Variants in FAM131C observed in about 807,000 individuals in gnomAD.
FAM131C encodes the protein protein FAM131C.
A neutral mutation model predicts 29.8 loss-of-function variants in FAM131C; 14 were observed. The observed-to-expected ratio is 0.47, with a 90% CI of 0.31 to 0.73. The LOEUF is 0.73. Ranked by LOEUF, FAM131C falls within the 30% of genes least tolerant of loss-of-function variation. FAM131C has a pLI of 0.05. For missense variants in FAM131C, 252 were observed against 383.8 expected (o/e 0.66, Z 2.87); for synonymous variants, 86 against 157.8 (o/e 0.54, Z 3.41).
chr1:16,068,658 A>G (rs1448860441), intron 1 of FAM131C, among the ~76,000 whole-genome samples: 1 of 152,118 alleles, frequency 6.6e-6, no homozygotes, highest in Non-Finnish European at 1.5e-5. Flanking sequence ...AGCCGTGACA[A>G]TAGCTCATCT....
intron 1 of FAM131C, among the ~76,000 whole-genome samples, chr1:16,070,665 G>A (rs772954586): frequency 6.6e-6 from 1 of 152,188 alleles, no homozygotes; most frequent in Non-Finnish European, 1.5e-5. Context: ...AAGTAAAAAT[G>A]AGAGCAATAG....
chr1:16,058,498 C>A lies in FAM131C; in HGVS notation c.782G>T (p.Gly261Val). Reference protein sequence around the residue: ...QGPEGGTHPPGSLPSMDSGSL... With the variant: ...QGPEGGTHPPVSLPSMDSGSL... ...GCCGCTGTCCATGGAGGGGAGGGAG[C>A]CCGGGGGGTGGGTCCCACCCTCGGG... Residue 261 changes from glycine to valine, a missense_variant, in exon 7 of 7, where the codon GGC (glycine) becomes GTC (valine). Physicochemically the swap from Gly to Val is moderately radical, Grantham distance 109. This residue lies in a region of FAM131C where 42 missense variants were observed against 51.7 expected (regional missense o/e 0.81). Coordinates refer to ENST00000375662, the MANE Select transcript of FAM131C (RefSeq NM_182623.3). 6.6e-7 allele frequency: 1 copy of A among 1,508,280 alleles called. No individual in the cohort carries two copies. The highest frequency in any genetic ancestry group is 8.8e-7 in the Non-Finnish European group (1 of 1,130,056). 93.4% of individuals were successfully genotyped at this position (1,508,280 alleles called of 1,614,324 possible).
chr1:16,067,583 G>A (rs1177606177), intron 1 of FAM131C, among the ~76,000 whole-genome samples: 3 of 152,126 alleles, frequency 2.0e-5, no homozygotes, highest in Non-Finnish European at 4.4e-5. Flanking sequence ...ATTCTTCAAG[G>A]AGAGGGTGTC....
At position 16,058,501 on chromosome 1, in the gene FAM131C, G is replaced by C. The variant is rs61745016; in HGVS notation, c.779C>G (p.Pro260Arg). 7 of 1,508,828 alleles carry C rather than the reference G, an allele frequency of 4.6e-6. No individual in the cohort carries two copies. Among genetic ancestry groups the C allele is most frequent in the East Asian group, 2.5e-5 (1 of 40,796 alleles). 93.5% of individuals were successfully genotyped at this position (1,508,828 alleles called of 1,614,324 possible). A position where few individuals can be genotyped will look rare whatever the true frequency, so the allele number is the denominator to read the frequency against. ...GCTGTCCATGGAGGGGAGGGAGCCCGGGGGGTGGGTCCCACCCTCGGGTCC... is the reference window on the plus strand; with the variant it reads ...GCTGTCCATGGAGGGGAGGGAGCCCCGGGGGTGGGTCCCACCCTCGGGTCC... ...AQGPEGGTHP[P>R]GSLPSMDSGS... The change falls in exon 7 of 7, where the codon CCG becomes CGG. Residue 260 changes from proline (P) to arginine (R), a missense_variant. Transcript: ENST00000375662.
chr1:16,073,602 C>T lies in FAM131C; in HGVS notation c.-160G>A, dbSNP rs2023783158. The T allele has an allele frequency of 4.3e-6, 1 of 234,570 alleles. No individual in the cohort carries two copies. The highest frequency in any genetic ancestry group is 1.7e-4 in the South Asian group (1 of 6,054). 14.5% of individuals were successfully genotyped at this position (234,570 alleles called of 1,614,324 possible). ...GGCCTCAGCTCCAGCCTGGGTCGTC[C>T]CTGCTGCCGCCGCGCCCGGCTCGCC... On this transcript the variant is annotated 5_prime_UTR_variant, in exon 1 of 7. Coordinates refer to ENST00000375662, the MANE Select transcript of FAM131C (RefSeq NM_182623.3).
At chr1:16,070,196 G>A (rs977923053) in intron 1 of FAM131C, among the ~76,000 whole-genome samples, 3 of 152,204 alleles carry the variant, frequency 2.0e-5, no homozygotes, top group Non-Finnish European at 4.4e-5. Context: ...CGTTCTCTGA[G>A]CCCCACATCC....
intron 1 of FAM131C, among the ~76,000 whole-genome samples, chr1:16,072,425 G>A (rs2124138172): frequency 6.6e-6 from 1 of 152,292 alleles, no homozygotes; most frequent in Non-Finnish European, 1.5e-5. Flanking sequence ...GGTGATGGGT[G>A]TGGTGGTGGT....
In FAM131C at chr1:16,065,559, C is replaced by T. The variant is rs1182414943; in HGVS notation, c.23-1923G>A. ...GCCCTGCATGGCTTCTAAGAGGCAC[C>T]ACCTGTGGCTCTTTCTACAGGGGCT... On this transcript the variant is annotated intron_variant, in intron 1 of 6. Transcript: ENST00000375662. 2.0e-5 allele frequency among the ~76,000 whole-genome samples: 3 copies of T among 152,248 alleles called. No individual in the cohort carries two copies. The East Asian group carries it at 5.8e-4, about 29-fold the overall frequency.
chr1:16,058,825 G>A, intron 6 of FAM131C, 108 bp from the exon 7 acceptor site: 1 of 1,098,220 alleles, frequency 9.1e-7, no homozygotes, highest in Non-Finnish European at 1.3e-6. Flanking sequence ...TCCAAATCCA[G>A]CTATGTGACG....
chr1:16,072,754 T>C (rs1277898174), intron 1 of FAM131C, among the ~76,000 whole-genome samples: 2 of 151,692 alleles, frequency 1.3e-5, no homozygotes, highest in African/African-American at 4.8e-5. Flanking sequence ...TCCACCTCCT[T>C]GGGTACCACG....
rs558801825 is a variant in FAM131C at position 16,058,566 on chromosome 1, G to A, written c.714C>T (p.Ser238=). The A allele has an allele frequency of 5.1e-5, 78 of 1,540,406 alleles. No individual in the cohort carries two copies. The South Asian group carries it at 9.3e-4, about 18-fold the overall frequency. ...PSTAGIPQPP[S]PELQHRRRLP... ...GCCGCCGCCGATGCTGCAGCTCTGG[G>A]CTGGGGGGCTGCGGGATGCCAGCGG... The change falls in exon 7 of 7, where the codon AGC becomes AGT. Residue 238 remains serine (S), a synonymous_variant. Coordinates refer to ENST00000375662, the MANE Select transcript of FAM131C (RefSeq NM_182623.3).
chr1:16,061,554 G>A (rs541799753), intron 4 of FAM131C, among the ~76,000 whole-genome samples: 3 of 152,128 alleles, frequency 2.0e-5, no homozygotes, highest in Non-Finnish European at 4.4e-5. Context: ...GGCAGCCAGT[G>A]AGTCAGCAAT....
At chr1:16,061,260 T>A (rs1366435355) in intron 4 of FAM131C, among the ~76,000 whole-genome samples, 1 of 145,386 alleles carries the variant, frequency 6.9e-6, no homozygotes, top group Non-Finnish European at 1.5e-5. Context: ...GGGGTTCAAG[T>A]GGCCCTTGAA....
rs534417502 is a variant in FAM131C at position 16,061,061 on chromosome 1, G to A, written c.269-1010C>T. On this transcript the variant is annotated intron_variant, in intron 4 of 6. Transcript: ENST00000375662. ...TAACCAAGGCTGAGAATAGATCTGG[G>A]AGTCACCCGGGTCCCCGAAGCCATA... 2.7e-3 allele frequency among the ~76,000 whole-genome samples: 411 copies of A among 152,254 alleles called. 2 individuals are homozygous for A. The highest frequency in any genetic ancestry group is 5.2e-3 in the Non-Finnish European group (351 of 68,010).
intron 5 of FAM131C, 113 bp downstream of exon 5, chr1:16,059,756 C>G (rs1309038448): frequency 2.2e-6 from 2 of 890,328 alleles, no homozygotes; most frequent in Non-Finnish European, 3.1e-6. Context: ...TAATACTCAC[C>G]CACCCTATGC....
At chr1:16,069,653 C>A (rs1371570624) in intron 1 of FAM131C, among the ~76,000 whole-genome samples, 1 of 152,180 alleles carries the variant, frequency 6.6e-6, no homozygotes, top group Admixed American at 6.5e-5. Context: ...AGAAGGGGGG[C>A]AAATATTCCT....
At chr1:16,062,221 G>A in intron 3 of FAM131C, 29 bp from the exon 4 acceptor site, 1 of 1,598,662 alleles carries the variant, frequency 6.3e-7, no homozygotes, top group Non-Finnish European at 8.5e-7. Context: ...GGAGTGAGCA[G>A]GGTGGGCCAG....
At chr1:16,064,910 G>A (rs1244200491) in intron 1 of FAM131C, among the ~76,000 whole-genome samples, 1 of 152,200 alleles carries the variant, frequency 6.6e-6, no homozygotes, top group Non-Finnish European at 1.5e-5. Context: ...CTGCCCTCTT[G>A]AGCCTCGCTC....
chr1:16,068,046 C>T (rs1007344236), intron 1 of FAM131C, among the ~76,000 whole-genome samples: 2 of 152,226 alleles, frequency 1.3e-5, no homozygotes, highest in Admixed American at 6.5e-5. Flanking sequence ...GTCAAAGCGT[C>T]CCCTCATGCT....
Sources: allele counts gnomAD v4.1 joint callset (sites outside exome capture counted in the v4.1 genomes callset), GRCh38; gene constraint gnomAD v4.1.1; regional missense constraint gnomAD v4.1.1; transcripts MANE v1.5; gene names NCBI Gene and HGNC (gene_info 2026-07-23, HGNC 2026-07-21).